CCDC28B: variants seen among roughly 807,000 people sequenced by gnomAD.
CCDC28B encodes the protein coiled-coil domain-containing protein 28B.
A neutral mutation model predicts 18.7 loss-of-function variants in CCDC28B; 17 were observed. The ratio of observed to expected loss-of-function variants is 0.91; its 90% CI spans 0.62 to 1.36. CCDC28B has a LOEUF of 1.36. Among genes scored for constraint, CCDC28B ranks in the 40% most tolerant of loss-of-function variants. CCDC28B has a pLI of 0.00. For missense variants in CCDC28B, 213 were observed against 251.7 expected, an observed-to-expected ratio of 0.85 and a Z score of 1.04; for synonymous variants, 116 against 105.1, an observed-to-expected ratio of 1.10 and a Z score of -0.64.
At chr1:32,197,982 T>C (rs992735283), upstream of CCDC28B, 6 of 152,492 alleles carry the variant, frequency 3.9e-5, no homozygotes, top group African/African-American at 1.4e-4. This position sits in a 1 kb window ranked among gnomAD's most constrained non-coding sequence, Gnocchi z 4.6. Context: ...AGCTGCCTGG[T>C]GTCCACGGGG....
rs7543181 is a variant in CCDC28B at position 32,205,036 on chromosome 1, A to C, written c.549-158A>C. On this transcript the variant is annotated intron_variant, in intron 5 of 5. Coordinates refer to ENST00000373602, the MANE Select transcript of CCDC28B (RefSeq NM_024296.5). This position sits in a 1 kb window ranked among gnomAD's most constrained non-coding sequence, Gnocchi z 5.6. Reference sequence around the variant, plus strand: ...GATCTGGATGAAGAGAGAGGGGGTGAGAGAGGGCAGGCGGGGACTGCAACC... The same window carrying C: ...GATCTGGATGAAGAGAGAGGGGGTGCGAGAGGGCAGGCGGGGACTGCAACC... The C allele has an allele frequency of 3.1e-3, 3,572 of 1,167,430 alleles. 81 individuals are homozygous for C. The African/African-American group carries it at 0.048, about 16-fold the overall frequency. The allele number at this position is 1,167,430 out of a possible 1,614,324, so 72.3% of individuals were successfully genotyped here. A position where few individuals can be genotyped will look rare whatever the true frequency, so the allele number is the denominator to read the frequency against.
chr1:32,204,561 T>A, intron 4 of CCDC28B, 37 bp from the exon 5 acceptor site: 1 of 1,541,066 alleles, frequency 6.5e-7, no homozygotes, highest in Non-Finnish European at 8.7e-7. Flanking sequence ...CTGGTTCCCC[T>A]CCTAACAGAA....
chr1:32,200,957 C>A (rs1322695881), intron 1 of CCDC28B, among the ~76,000 whole-genome samples: 5 of 152,180 alleles, frequency 3.3e-5, no homozygotes, highest in Non-Finnish European at 7.3e-5. Flanking sequence ...TCCTATCTCC[C>A]CTCCCCACAC....
intron 5 of CCDC28B, 175 bp downstream of exon 5, chr1:32,204,795 T>G: frequency 6.3e-7 from 1 of 1,598,930 alleles, no homozygotes; most frequent in East Asian, 2.3e-5. Flanking sequence ...TTCCCCAAAA[T>G]TAGAAGAAAA....
intron 5 of CCDC28B, 105 bp downstream of exon 5, chr1:32,204,725 C>G (rs757968145): frequency 6.2e-7 from 1 of 1,614,056 alleles, no homozygotes; most frequent in Admixed American, 1.7e-5. Flanking sequence ...TTCCCCACCT[C>G]TTGCAGTCCT....
At chr1:32,200,103 GTC>G (rs975899645), upstream of CCDC28B, among the ~76,000 whole-genome samples, 5 of 151,630 alleles carry the variant, frequency 3.3e-5, no homozygotes, top group African/African-American at 1.2e-4. Flanking sequence ...AGAGAAAACT[GTC>G]TGGCATTGTA....
At chr1:32,201,273 A>G (rs1386373570) in intron 1 of CCDC28B, among the ~76,000 whole-genome samples, 1 of 152,082 alleles carries the variant, frequency 6.6e-6, no homozygotes, top group Non-Finnish European at 1.5e-5. Context: ...GGGAAAAATG[A>G]AGCAGCTGAA....
At chr1:32,198,269 A>C (rs1022662261), upstream of CCDC28B, 1 of 152,230 alleles carries the variant, frequency 6.6e-6, no homozygotes, top group Non-Finnish European at 1.5e-5. Context: ...ACATTAAATA[A>C]AGAGTCTGTT....
At position 32,205,053 on chromosome 1, in the gene CCDC28B, A is replaced by G; in HGVS notation, c.549-141A>G. 8.4e-7 allele frequency: 1 copy of G among 1,195,180 alleles called. No homozygotes were observed. The highest frequency in any genetic ancestry group is 1.2e-6 in the Non-Finnish European group (1 of 860,626). The allele number at this position is 1,195,180 out of a possible 1,614,324, so 74.0% of individuals were successfully genotyped here. A position where few individuals can be genotyped will look rare whatever the true frequency, so the allele number is the denominator to read the frequency against. The stretch of plus-strand genomic sequence containing the variant: ...AGGGGGTGAGAGAGGGCAGGCGGGG[A>G]CTGCAACCTCAGTCCACAGACGGCC... On this transcript the variant is annotated intron_variant, in intron 5 of 5. Transcript: ENST00000373602. This position sits in a 1 kb window ranked among gnomAD's most constrained non-coding sequence, Gnocchi z 5.6.
Position 32,205,026 on chromosome 1 carries a change from A to G in CCDC28B, c.549-168A>G. 1 of 1,159,794 alleles carries G rather than the reference A, an allele frequency of 8.6e-7. No individual in the cohort carries two copies. The highest frequency in any genetic ancestry group is 1.2e-6 in the Non-Finnish European group (1 of 831,944). 71.8% of individuals were successfully genotyped at this position (1,159,794 alleles called of 1,614,324 possible). On this transcript the variant is annotated intron_variant, in intron 5 of 5. Transcript: ENST00000373602. This position sits in a 1 kb window ranked among gnomAD's most constrained non-coding sequence, Gnocchi z 5.6. ...TGACCTGCACGATCTGGATGAAGAG[A>G]GAGGGGGTGAGAGAGGGCAGGCGGG...
chr1:32,196,865 C>G (rs1208053652), upstream of CCDC28B: 1 of 152,258 alleles, frequency 6.6e-6, no homozygotes, highest in African/African-American at 2.4e-5. Flanking sequence ...CCAGAGATGG[C>G]AAATGAATGG....
chr1:32,200,235 C>CA (rs1258849061), upstream of CCDC28B, among the ~76,000 whole-genome samples: 2 of 152,174 alleles, frequency 1.3e-5, no homozygotes, highest in Non-Finnish European at 2.9e-5. Flanking sequence ...CTCAATAGGG[C>CA]ACTGGACTCA....
At chr1:32,202,393 A>G (rs1643166240) in intron 2 of CCDC28B, 1 of 565,728 alleles carries the variant, frequency 1.8e-6, no homozygotes, top group Non-Finnish European at 3.3e-6. Context: ...TGGTATAAAT[A>G]TGGAAGAAAG....
At position 32,201,906 on chromosome 1, in the gene CCDC28B, C is replaced by T; in HGVS notation, c.-23-7C>T. On this transcript the variant is annotated splice_polypyrimidine_tract_variant and splice_region_variant and intron_variant, in intron 1 of 5. Transcript: ENST00000373602. ...TGGCTATCTTTGTGGGGTTGCTTCC[C>T]TCCTAGGCCTGAGGCCCAGCCAGCG... The T allele has an allele frequency of 1.3e-6, 2 of 1,567,722 alleles. No individual in the cohort carries two copies. Among genetic ancestry groups the T allele is most frequent in the Non-Finnish European group, 1.7e-6 (2 of 1,159,180 alleles).
intron 2 of CCDC28B, chr1:32,202,543 T>G: frequency 2.8e-6 from 1 of 354,400 alleles, no homozygotes; most frequent in Non-Finnish European, 5.6e-6. Flanking sequence ...GTTTGCATGC[T>G]GCCTTATAAT....
In CCDC28B at chr1:32,200,718, C is replaced by G. The variant is rs1055952870; in HGVS notation, c.-24+9C>G. The G allele has an allele frequency of 6.6e-6, 1 of 152,192 alleles. No homozygotes were observed. Among genetic ancestry groups the G allele is most frequent in the Non-Finnish European group, 1.5e-5 (1 of 68,074 alleles). The allele number at this position is 152,192 out of a possible 1,614,324, so 9.4% of individuals were successfully genotyped here. A position where few individuals can be genotyped will look rare whatever the true frequency, so the allele number is the denominator to read the frequency against. The stretch of plus-strand genomic sequence containing the variant: ...AGACCCCAAACCTCCAGGTCAGTAG[C>G]CCCCTGAGGGAGTGAGGGCGGGGGC... On this transcript the variant is annotated intron_variant, in intron 1 of 5. Coordinates refer to ENST00000373602, the MANE Select transcript of CCDC28B (RefSeq NM_024296.5).
intron 2 of CCDC28B, 80 bp downstream of exon 2, chr1:32,202,179 G>T: frequency 1.3e-6 from 2 of 1,543,750 alleles, no homozygotes; most frequent in Non-Finnish European, 1.8e-6. Context: ...GGGGGCCTCC[G>T]CCTTTAGTTC....
At chr1:32,204,106 G>C in intron 3 of CCDC28B, 61 bp downstream of exon 3, 1 of 1,594,184 alleles carries the variant, frequency 6.3e-7, no homozygotes, top group Non-Finnish European at 8.6e-7. Context: ...CCAGTCCATG[G>C]GGCATGGCTG....
Position 32,204,230 on chromosome 1 carries a change from CAGG to C in CCDC28B, c.379_381del (p.Glu127del). ...GCAGCTGGAGCACGTTCGGGAGATG[CAGG>C]AGAAGCTAGCCCGGCTGCACTTCAG... On this transcript the variant is annotated inframe_deletion, in exon 4 of 6. Transcript: ENST00000373602. 2 of 1,614,014 alleles carry C rather than the reference CAGG, an allele frequency of 1.2e-6. No homozygotes were observed. The highest frequency in any genetic ancestry group is 2.2e-5 in the South Asian group (2 of 91,072).
Sources: allele counts gnomAD v4.1 joint callset (sites outside exome capture counted in the v4.1 genomes callset), GRCh38; gene constraint gnomAD v4.1.1; non-coding constraint Gnocchi (gnomAD v3.1); transcripts MANE v1.5; gene names NCBI Gene and HGNC (gene_info 2026-07-23, HGNC 2026-07-21).